BANP: variants seen among roughly 807,000 people sequenced by gnomAD.
BANP encodes protein BANP.
A neutral mutation model predicts 68.1 loss-of-function variants in BANP; 11 were observed. The observed-to-expected ratio is 0.16, with a 90% CI of 0.10 to 0.27. The LOEUF (loss-of-function observed/expected upper bound fraction) is 0.27. BANP is among the 10% of genes least tolerant of loss of function. The pLI is 1.00. For synonymous variants in BANP, 329 were observed against 303.2 expected (o/e 1.09, Z -0.88); for missense variants, 504 against 722.7 (o/e 0.70, Z 3.47).
At chr16:88,051,137 G>A (rs764109960) in intron 11 of BANP, among the ~76,000 whole-genome samples, 8 of 152,220 alleles carry the variant, frequency 5.3e-5, no homozygotes, top group Non-Finnish European at 8.8e-5. Context: ...GGTCCCTCCC[G>A]TGTAGTGGCG....
rs147037944 is a variant in BANP, at chr16:88,018,096, G to C, written c.656-332G>C. Reference sequence around the variant, plus strand: ...CAGGTGGCTGGGGCAGGTACCAACTGTGTGCAAGGATATCGGTATTGCTGG... The same window carrying C: ...CAGGTGGCTGGGGCAGGTACCAACTCTGTGCAAGGATATCGGTATTGCTGG... On this transcript the variant is annotated intron_variant, in intron 6 of 13. Coordinates refer to ENST00000682872, the MANE Select transcript of BANP (RefSeq NM_001386991.1). The surrounding 1 kb of genome is among the most constrained non-coding windows in gnomAD (Gnocchi z 7.7). Among the ~76,000 whole-genome samples the C allele has an allele frequency of 2.0e-3, 305 of 152,244 alleles. 3 individuals are homozygous for C. The highest frequency in any genetic ancestry group is 0.012 in the East Asian group (60 of 5,172).
rs536848852 is a variant in BANP, at chr16:88,006,322, T to G, written c.655+57T>G. ...CGCCAGTACAATTGTTTGTTTGTTT[T>G]GCCTTTTAGAAATTTTGTTGTTTTT... On this transcript the variant is annotated intron_variant, in intron 6 of 13. Transcript: ENST00000682872. The G allele has an allele frequency of 3.7e-5, 57 of 1,520,030 alleles. 2 individuals are homozygous for G. The South Asian group carries it at 6.0e-4, about 16-fold the overall frequency. 94.2% of individuals were successfully genotyped at this position (1,520,030 alleles called of 1,614,324 possible).
chr16:88,022,496 C>T (rs1431816508), intron 7 of BANP, among the ~76,000 whole-genome samples: 1 of 152,218 alleles, frequency 6.6e-6, no homozygotes, highest in Non-Finnish European at 1.5e-5. Context: ...TCATTCACTC[C>T]AAGCCCCAGG....
At chr16:87,951,850 A>C (rs1415080867) in intron 1 of BANP, among the ~76,000 whole-genome samples, 3 of 151,980 alleles carry the variant, frequency 2.0e-5, no homozygotes, top group Non-Finnish European at 4.4e-5. Context: ...AAGGACCCGG[A>C]GCCACGGCGG....
In BANP at chr16:88,070,554, G is replaced by A. The variant is rs528627707; in HGVS notation, c.1378-1515G>A. On this transcript the variant is annotated intron_variant, in intron 12 of 13. Coordinates refer to ENST00000682872, the MANE Select transcript of BANP (RefSeq NM_001386991.1). ...CCCGAGGCTGGTGTGCTCGCAAGTCGTGGCTGGCAGGGTTGCCAGGCTTGT... is the reference window on the plus strand; with the variant it reads ...CCCGAGGCTGGTGTGCTCGCAAGTCATGGCTGGCAGGGTTGCCAGGCTTGT... Among the ~76,000 whole-genome samples, 8 of 152,286 alleles carry A rather than the reference G, an allele frequency of 5.3e-5. No homozygotes were observed. The East Asian group carries it at 1.4e-3, about 26-fold the overall frequency.
chr16:87,983,012 C>T (rs1322140374), intron 3 of BANP, among the ~76,000 whole-genome samples: 2 of 152,306 alleles, frequency 1.3e-5, no homozygotes, highest in East Asian at 1.9e-4. Flanking sequence ...CCCTGTGCTG[C>T]GAGCTCCACG....
intron 6 of BANP, among the ~76,000 whole-genome samples, chr16:88,007,591 G>A (rs893192951): frequency 1.6e-4 from 24 of 152,242 alleles, no homozygotes; most frequent in African/African-American, 5.1e-4. Context: ...AGCTTTGTGC[G>A]TGGAGTTGTA....
chr16:88,069,670 C>T (rs368360375), intron 12 of BANP, among the ~76,000 whole-genome samples: 1 of 152,216 alleles, frequency 6.6e-6, no homozygotes, highest in African/African-American at 2.4e-5. Context: ...GTAAATGGCA[C>T]CTGCACCCCA....
At chr16:88,038,223 G>A (rs1031295357) in intron 11 of BANP, among the ~76,000 whole-genome samples, 3 of 152,178 alleles carry the variant, frequency 2.0e-5, no homozygotes, top group South Asian at 2.1e-4. Context: ...GAAGGGGGCG[G>A]ATGGTCAGGT....
intron 4 of BANP, among the ~76,000 whole-genome samples, chr16:87,984,729 G>A (rs556123537): frequency 6.6e-6 from 1 of 152,328 alleles, no homozygotes; most frequent in South Asian, 2.1e-4. Flanking sequence ...GTGGTAGTTT[G>A]CAAACTGTTT....
At chr16:88,038,137 G>A (rs1007285397) in intron 11 of BANP, 126 bp downstream of exon 11, 43 of 879,742 alleles carry the variant, frequency 4.9e-5, no homozygotes, top group African/African-American at 9.9e-5. Flanking sequence ...TTGCGCTGCC[G>A]AGGGGTGGGG....
chr16:87,999,255 C>T (rs1171840610), intron 4 of BANP, among the ~76,000 whole-genome samples: 1 of 138,462 alleles, frequency 7.2e-6, no homozygotes, highest in African/African-American at 2.7e-5. Context: ...GCTGTACTTA[C>T]CTGTCCTTCC....
At chr16:88,027,853 G>T (rs1017788886) in intron 8 of BANP, among the ~76,000 whole-genome samples, 1 of 152,262 alleles carries the variant, frequency 6.6e-6, no homozygotes, top group Non-Finnish European at 1.5e-5. Context: ...ACAGCCTCGG[G>T]CCTGCTCCAG....
intron 11 of BANP, among the ~76,000 whole-genome samples, chr16:88,046,214 C>T (rs151324288): frequency 0.026 from 3,978 of 152,262 alleles, 182 homozygotes; most frequent in African/African-American, 0.091. Flanking sequence ...TTCACTTCTG[C>T]CTTTTGCATG....
chr16:88,018,709 G>T lies in BANP; in HGVS notation c.895+42G>T, dbSNP rs1192990720. The T allele has an allele frequency of 6.5e-7, 1 of 1,534,538 alleles. No individual in the cohort carries two copies. The highest frequency in any genetic ancestry group is 1.2e-5 in the South Asian group (1 of 82,306). On this transcript the variant is annotated intron_variant, in intron 7 of 13. Coordinates refer to ENST00000682872, the MANE Select transcript of BANP (RefSeq NM_001386991.1). This position sits in a 1 kb window ranked among gnomAD's most constrained non-coding sequence, Gnocchi z 7.7. Reference sequence around the variant, plus strand: ...CTTGGGGGACTGGGGTGTGCGGGGAGCTGGGTCAGGACCCACATTTCAATG... The same window carrying T: ...CTTGGGGGACTGGGGTGTGCGGGGATCTGGGTCAGGACCCACATTTCAATG...
Position 88,029,026 on chromosome 16 carries a change from C to T in BANP, c.1063+1376C>T, listed in dbSNP as rs556991061. Among the ~76,000 whole-genome samples the T allele has an allele frequency of 5.9e-5, 9 of 152,228 alleles. No individual in the cohort carries two copies. The East Asian group carries it at 1.7e-3, about 29-fold the overall frequency. The stretch of plus-strand genomic sequence containing the variant: ...TAAAAAATGTTTAAAAGTCAGGGAG[C>T]CCAGGCGTGGTGGCTCATGCCTGTA... On this transcript the variant is annotated intron_variant, in intron 8 of 13. Transcript: ENST00000682872.
chr16:88,001,930 AC>A (rs1403077942), intron 4 of BANP, among the ~76,000 whole-genome samples: 62 of 151,800 alleles, frequency 4.1e-4, no homozygotes, highest in African/African-American at 1.4e-3. Flanking sequence ...AAACAAAAAA[AC>A]AAAAAAAAAA....
intron 11 of BANP, among the ~76,000 whole-genome samples, chr16:88,038,413 T>C (rs904021818): frequency 5.9e-5 from 9 of 152,200 alleles, no homozygotes; most frequent in African/African-American, 2.2e-4. Flanking sequence ...GGGTTACATT[T>C]GCTGCTCCGT....
intron 1 of BANP, chr16:87,952,288 G>T (rs1159067938): frequency 6.6e-6 from 1 of 152,278 alleles, no homozygotes; most frequent in Non-Finnish European, 1.5e-5. Flanking sequence ...GGGTTGTCTT[G>T]CTATTGGAGA....
Sources: allele counts gnomAD v4.1 joint callset (sites outside exome capture counted in the v4.1 genomes callset), GRCh38; gene constraint gnomAD v4.1.1; non-coding constraint Gnocchi (gnomAD v3.1); transcripts MANE v1.5; gene names NCBI Gene and HGNC (gene_info 2026-07-23, HGNC 2026-07-21).